SGIP1: variants seen among roughly 807,000 people sequenced by gnomAD.
SGIP1 encodes the protein SH3-containing GRB2-like protein 3-interacting protein 1.
SGIP1 carries 38 observed loss-of-function variants against 107.5 expected under a neutral mutation model. The observed-to-expected ratio is 0.35, with a 90% CI of 0.27 to 0.46. The LOEUF (loss-of-function observed/expected upper bound fraction) is 0.46, where lower values mean the gene tolerates loss of function less well. Among genes scored for constraint, SGIP1 ranks in the 20% least tolerant of loss-of-function variants. The pLI, the probability that SGIP1 is intolerant of heterozygous loss-of-function variation, is 1.00. For missense variants in SGIP1, 929 were observed against 1,019.5 expected (o/e 0.91, Z 1.21); for synonymous variants, 365 against 366.1 (o/e 1.00, Z 0.03).
At position 66,552,718 on chromosome 1, in the gene SGIP1, G is replaced by T. The variant is rs553429252; in HGVS notation, c.10+18350G>T. Among the ~76,000 whole-genome samples, 13 of 152,222 alleles carry T rather than the reference G, an allele frequency of 8.5e-5. 1 individual carries two copies. The South Asian group carries it at 2.7e-3, about 32-fold the overall frequency. The stretch of plus-strand genomic sequence containing the variant: ...TGAAGTTATTTTGAGGAATAAATAA[G>T]TTAACATATATAAAGTACATAGCTT... On this transcript the variant is annotated intron_variant, in intron 1 of 24. Transcript: ENST00000371037.
At chr1:66,638,754 T>C (rs1484895949) in intron 4 of SGIP1, among the ~76,000 whole-genome samples, 4 of 152,188 alleles carry the variant, frequency 2.6e-5, no homozygotes, top group Non-Finnish European at 5.9e-5. Context: ...TCTCCACCCA[T>C]TTGTCAAATT....
intron 7 of SGIP1, among the ~76,000 whole-genome samples, chr1:66,654,857 G>A (rs1297040454): frequency 6.6e-6 from 1 of 152,190 alleles, no homozygotes; most frequent in Non-Finnish European, 1.5e-5. Context: ...CAGCCAAGCT[G>A]CCTGTCCCAA....
At chr1:66,568,738 A>G (rs894941644) in intron 1 of SGIP1, among the ~76,000 whole-genome samples, 6 of 152,050 alleles carry the variant, frequency 3.9e-5, no homozygotes, top group African/African-American at 1.2e-4. Flanking sequence ...AATGTAATCC[A>G]TCACATAAAT....
Position 66,632,812 on chromosome 1 carries a change from A to AC in SGIP1, c.75-258_75-257insC, listed in dbSNP as rs530188715. ...TTAATAAACTCTCCTCTCAAAAATG[A>AC]ACCAAGGCACTACCCTTCCCACATG... is the stretch of plus-strand genomic sequence containing the variant. On this transcript the variant is annotated intron_variant, in intron 2 of 24. Coordinates refer to ENST00000371037, the MANE Select transcript of SGIP1 (RefSeq NM_032291.4). Among the ~76,000 whole-genome samples, 27 of 152,330 alleles carry AC rather than the reference A, an allele frequency of 1.8e-4. No homozygotes were observed. The South Asian group carries it at 5.6e-3, about 32-fold the overall frequency.
chr1:66,535,804 A>T (rs2053469687), intron 1 of SGIP1, among the ~76,000 whole-genome samples: 1 of 152,228 alleles, frequency 6.6e-6, no homozygotes, highest in South Asian at 2.1e-4. Flanking sequence ...ACAGAGTGTT[A>T]TTTATGCACT....
chr1:66,598,099 C>A (rs2065075059), intron 1 of SGIP1, among the ~76,000 whole-genome samples: 1 of 152,102 alleles, frequency 6.6e-6, no homozygotes. Context: ...AAAGTAGCAA[C>A]CTTAAGTGTT....
chr1:66,697,650 C>T (rs973665407), intron 18 of SGIP1, among the ~76,000 whole-genome samples: 8 of 152,152 alleles, frequency 5.3e-5, no homozygotes, highest in South Asian at 2.1e-4. Flanking sequence ...TGAGCAAAAA[C>T]GGCTATATTT....
At chr1:66,712,812 T>C (rs1032809830) in intron 18 of SGIP1, among the ~76,000 whole-genome samples, 5 of 152,138 alleles carry the variant, frequency 3.3e-5, no homozygotes, top group African/African-American at 1.2e-4. Context: ...TGACCTTGCT[T>C]GGTAATGAGA....
intron 18 of SGIP1, among the ~76,000 whole-genome samples, chr1:66,709,979 CAT>C (rs1466035210): frequency 1.3e-5 from 2 of 151,784 alleles, no homozygotes; most frequent in African/African-American, 4.8e-5. Context: ...AATTTACACA[CAT>C]ATAAGATATA....
intron 7 of SGIP1, among the ~76,000 whole-genome samples, chr1:66,648,003 T>C (rs1424619865): frequency 2.0e-5 from 3 of 152,146 alleles, no homozygotes; most frequent in African/African-American, 4.8e-5. Context: ...ATACCTGTGA[T>C]GTGGGGTGGG....
intron 1 of SGIP1, among the ~76,000 whole-genome samples, chr1:66,606,712 G>A (rs2066918122): frequency 6.6e-6 from 1 of 152,168 alleles, no homozygotes; most frequent in South Asian, 2.1e-4. Context: ...GCATAGCTGG[G>A]TTGTCTCTGC....
intron 7 of SGIP1, among the ~76,000 whole-genome samples, chr1:66,647,681 A>G (rs2077892071): frequency 6.6e-6 from 1 of 152,180 alleles, no homozygotes; most frequent in African/African-American, 2.4e-5. Flanking sequence ...ATAATTTTCT[A>G]ATCACTAATT....
At chr1:66,553,035 A>G (rs915430733) in intron 1 of SGIP1, among the ~76,000 whole-genome samples, 7 of 152,006 alleles carry the variant, frequency 4.6e-5, no homozygotes, top group African/African-American at 1.7e-4. Flanking sequence ...TTTTTCTCTT[A>G]ACTCTTGCAC....
At chr1:66,645,749 G>T (rs1456857168) in intron 7 of SGIP1, among the ~76,000 whole-genome samples, 3 of 152,154 alleles carry the variant, frequency 2.0e-5, no homozygotes, top group Admixed American at 2.0e-4. Flanking sequence ...TTAAAGAGAG[G>T]TTGTAACTGA....
chr1:66,692,082 T>G (rs1403874262), intron 17 of SGIP1, among the ~76,000 whole-genome samples: 2 of 148,588 alleles, frequency 1.3e-5, no homozygotes, highest in African/African-American at 5.0e-5. Flanking sequence ...TCCCTTGAAC[T>G]CGGGAGGCAG....
rs1320237507 is a variant in SGIP1 at position 66,733,865 on chromosome 1, C to T, written c.2016C>T (p.Asp672=). ...CCCAGGCTACATATTATAACGTTGA[C>T]ATGCTCAAATATCAGGTAAGCCTAT... ...QKPQATYYNV[D]MLKYQVSAQG... The change falls in exon 21 of 25, where the codon GAC becomes GAT. Residue 672 remains aspartate (D), a synonymous_variant. Transcript: ENST00000371037. 4 of 1,612,990 alleles carry T rather than the reference C, an allele frequency of 2.5e-6. No homozygotes were observed. In the South Asian group the frequency reaches 4.4e-5, roughly 18 times the overall value.
intron 1 of SGIP1, among the ~76,000 whole-genome samples, chr1:66,592,658 G>C (rs2063841725): frequency 6.6e-6 from 1 of 152,078 alleles, no homozygotes; most frequent in African/African-American, 2.4e-5. Flanking sequence ...ACATTCTATA[G>C]GTTTGGGCAA....
intron 1 of SGIP1, among the ~76,000 whole-genome samples, chr1:66,566,126 ATGTTGGAACAACCAGAAAC>A (rs1330485225): frequency 6.6e-6 from 1 of 152,064 alleles, no homozygotes; most frequent in Admixed American, 6.6e-5. Context: ...CCGCTAGAAT[ATGTTGGAACAACCAGAAAC>A]TGTAAATCCT....
At chr1:66,663,899 T>G (rs1571468459) in intron 8 of SGIP1, among the ~76,000 whole-genome samples, 1 of 152,332 alleles carries the variant, frequency 6.6e-6, no homozygotes, top group Admixed American at 6.5e-5. Context: ...AACCTTAAAT[T>G]AAAAGTAATA....
Sources: allele counts gnomAD v4.1 joint callset (sites outside exome capture counted in the v4.1 genomes callset), GRCh38; gene constraint gnomAD v4.1.1; transcripts MANE v1.5; gene names NCBI Gene and HGNC (gene_info 2026-07-23, HGNC 2026-07-21).